RELB: variants seen among roughly 807,000 people sequenced by gnomAD.
RELB encodes transcription factor RelB.
A neutral mutation model predicts 55.4 loss-of-function variants in RELB; 14 were observed. The ratio of observed to expected loss-of-function variants is 0.25; its 90% CI spans 0.17 to 0.40. The LOEUF (loss-of-function observed/expected upper bound fraction) is 0.40. Ranked by LOEUF, RELB falls within the 10% of genes least tolerant of loss-of-function variation. The pLI, the probability that RELB is intolerant of heterozygous loss-of-function variation, is 1.00. For missense variants in RELB, 669 were observed against 830.7 expected (o/e 0.81, Z 2.39); for synonymous variants, 409 against 371.3 (o/e 1.10, Z -1.17).
rs892869935 is a variant in RELB at position 45,037,919 on chromosome 19, C to T, written c.*129C>T. 4.3e-5 allele frequency: 41 copies of T among 954,062 alleles called. No individual in the cohort carries two copies. The highest frequency in any genetic ancestry group is 7.0e-4 in the Middle Eastern group (2 of 2,860). 59.1% of individuals were successfully genotyped at this position (954,062 alleles called of 1,614,324 possible). A position where few individuals can be genotyped will look rare whatever the true frequency, so the allele number is the denominator to read the frequency against. On this transcript the variant is annotated 3_prime_UTR_variant, in exon 12 of 12. Coordinates refer to ENST00000221452, the MANE Select transcript of RELB (RefSeq NM_006509.4). ...TGCTTCTGAAGTGGACATATTCAGC[C>T]TTGGCGAGAAGCTCCGTTGCACGGG...
chr19:45,004,749 C>T (rs547059290), intron 2 of RELB, among the ~76,000 whole-genome samples: 49 of 152,006 alleles, frequency 3.2e-4, no homozygotes, highest in Non-Finnish European at 5.1e-4. Flanking sequence ...TGCCTGTAAT[C>T]CCAAATATTC....
At chr19:45,030,146 G>GACAGAGACA (rs1277134089) in intron 8 of RELB, among the ~76,000 whole-genome samples, 3 of 150,824 alleles carry the variant, frequency 2.0e-5, no homozygotes, top group Non-Finnish European at 2.9e-5. Context: ...CAGCCAGGGC[G>GACAGAGACA]ACAGAGACAG....
Position 45,012,190 on chromosome 19 carries a change from T to C in RELB, c.418T>C (p.Phe140Leu). 6.5e-7 allele frequency: 1 copy of C among 1,538,656 alleles called. No homozygotes were observed. The highest frequency in any genetic ancestry group is 8.7e-7 in the Non-Finnish European group (1 of 1,155,346). ...GCAGCCCAAGCAGCGCGGCATGCGC[T>C]TCCGCTACGAGTGCGAGGGCCGCTC... ...TEQPKQRGMRFRYECEGRSAG... is the reference protein window; with the variant it reads ...TEQPKQRGMRLRYECEGRSAG... Residue 140 changes from phenylalanine (F) to leucine (L), a missense_variant, in exon 4 of 12, where the codon TTC becomes CTC. Phe to Leu is a conservative substitution (Grantham distance 22). Coordinates refer to ENST00000221452, the MANE Select transcript of RELB (RefSeq NM_006509.4).
At position 45,012,018 on chromosome 19, in the gene RELB, G is replaced by A. The variant is rs751290205; in HGVS notation, c.246G>A (p.Leu82=). ...GCCCGGGCGAGGGGCTGCCACGCCT[G>A]GTGTCTCGCGGGGCTGCGTCCCTGA... ...QPGPGEGLPR[L]VSRGAASLST... The change falls in exon 4 of 12, where the codon CTG becomes CTA. Residue 82 remains leucine, a synonymous_variant. Coordinates refer to ENST00000221452, the MANE Select transcript of RELB (RefSeq NM_006509.4). The A allele has an allele frequency of 1.1e-5, 17 of 1,573,874 alleles. 1 individual carries two copies. The Middle Eastern group carries it at 1.1e-3, about 104-fold the overall frequency.
chr19:45,019,759 C>T (rs1971460921), intron 4 of RELB, among the ~76,000 whole-genome samples: 1 of 152,128 alleles, frequency 6.6e-6, no homozygotes, highest in Non-Finnish European at 1.5e-5. Flanking sequence ...CCCACCGCAA[C>T]CTCCATCTCC....
intron 8 of RELB, among the ~76,000 whole-genome samples, chr19:45,029,658 T>C (rs1971598282): frequency 6.6e-6 from 1 of 151,836 alleles, no homozygotes; most frequent in Admixed American, 6.6e-5. Context: ...GACACCAGCC[T>C]CCCAACATGG....
rs544072106 is a variant in RELB at position 45,012,518 on chromosome 19, C to T, written c.504+242C>T. 1.2e-3 allele frequency among the ~76,000 whole-genome samples: 175 copies of T among 152,054 alleles called. 1 individual carries two copies. The Middle Eastern group carries it at 0.027, about 24-fold the overall frequency. ...CAGTACTTTGGGAGTCTGAGGCGGG[C>T]GGATCCCTTGATGTCAGGAGTTCGA... On this transcript the variant is annotated intron_variant, in intron 4 of 11. Coordinates refer to ENST00000221452, the MANE Select transcript of RELB (RefSeq NM_006509.4).
At chr19:45,032,008 C>G (rs532140300) in intron 8 of RELB, among the ~76,000 whole-genome samples, 2 of 151,332 alleles carry the variant, frequency 1.3e-5, no homozygotes, top group Non-Finnish European at 2.9e-5. Context: ...GAGGCCAAGG[C>G]GGGCAGATCA....
intron 1 of RELB, among the ~76,000 whole-genome samples, chr19:45,002,529 T>C (rs1389189400): frequency 6.6e-6 from 1 of 152,014 alleles, no homozygotes; most frequent in Admixed American, 6.6e-5. Context: ...ATTTTTGTAG[T>C]TTTACTAGAG....
At chr19:45,019,076 G>C (rs1971454005) in intron 4 of RELB, among the ~76,000 whole-genome samples, 1 of 151,860 alleles carries the variant, frequency 6.6e-6, no homozygotes, top group Admixed American at 6.6e-5. Flanking sequence ...TTTTTGTTTT[G>C]TTTTGAGACA....
chr19:45,034,357 G>T, intron 10 of RELB, 45 bp downstream of exon 10: 1 of 1,608,056 alleles, frequency 6.2e-7, no homozygotes, highest in Non-Finnish European at 8.5e-7. Context: ...CAGGTTCTGG[G>T]GAGGGGACAG....
At chr19:45,034,775 C>A (rs1971667995) in intron 11 of RELB, among the ~76,000 whole-genome samples, 1 of 152,022 alleles carries the variant, frequency 6.6e-6, no homozygotes, top group Admixed American at 6.6e-5. Context: ...GCCTCAGGGA[C>A]TCCTTTGAAA....
intron 8 of RELB, among the ~76,000 whole-genome samples, chr19:45,031,755 T>G (rs1971624135): frequency 6.6e-6 from 1 of 151,578 alleles, no homozygotes; most frequent in South Asian, 2.1e-4. Context: ...TTTTTGTATT[T>G]TTAGTAGAGA....
chr19:45,019,485 A>G (rs1265173636), intron 4 of RELB, among the ~76,000 whole-genome samples: 1 of 152,162 alleles, frequency 6.6e-6, no homozygotes, highest in Non-Finnish European at 1.5e-5. Context: ...AATCTCATTA[A>G]TCACCTCTAG....
Position 45,008,036 on chromosome 19 carries a change from G to A in RELB, c.155-1778G>A, listed in dbSNP as rs530318598. Among the ~76,000 whole-genome samples, 405 of 148,074 alleles carry A rather than the reference G, an allele frequency of 2.7e-3. 1 individual carries two copies. The highest frequency in any genetic ancestry group is 9.4e-3 in the African/African-American group (377 of 40,272). On this transcript the variant is annotated intron_variant, in intron 2 of 11. Transcript: ENST00000221452. The stretch of plus-strand genomic sequence containing the variant: ...AAAAAAAAAAAAAGCCGGGTGTGGT[G>A]GTGTGCACCTGTAATCTCAGCTACT...
intron 2 of RELB, among the ~76,000 whole-genome samples, chr19:45,007,277 G>T (rs2122394306): frequency 6.6e-6 from 1 of 152,296 alleles, no homozygotes; most frequent in Admixed American, 6.5e-5. Context: ...GTAAAGGGAG[G>T]CACTGCTATT....
At chr19:45,032,053 T>C (rs935731040) in intron 8 of RELB, among the ~76,000 whole-genome samples, 6 of 150,962 alleles carry the variant, frequency 4.0e-5, no homozygotes, top group East Asian at 2.0e-4. Context: ...CTGGCCAACG[T>C]GGTGAAACCC....
At chr19:45,022,023 G>C in intron 4 of RELB, 30 bp from the exon 5 acceptor site, 2 of 1,583,864 alleles carry the variant, frequency 1.3e-6, no homozygotes, top group Non-Finnish European at 1.7e-6. Context: ...TCGGTGATGG[G>C]ACCCCCAAAG....
At chr19:45,002,404 G>GTGCA (rs2122375141) in intron 1 of RELB, among the ~76,000 whole-genome samples, 1 of 152,258 alleles carries the variant, frequency 6.6e-6, no homozygotes, top group East Asian at 1.9e-4. Flanking sequence ...CCAGGCTGGA[G>GTGCA]TGCAGTGGCA....
Sources: allele counts gnomAD v4.1 joint callset (sites outside exome capture counted in the v4.1 genomes callset), GRCh38; gene constraint gnomAD v4.1.1; transcripts MANE v1.5; gene names NCBI Gene and HGNC (gene_info 2026-07-23, HGNC 2026-07-21).